PTPRM: variants seen among roughly 807,000 people sequenced by gnomAD.
PTPRM encodes the protein receptor-type tyrosine-protein phosphatase mu.
In PTPRM, 47 loss-of-function variants were observed where a neutral mutation model predicts 186.7. The ratio of observed to expected loss-of-function variants is 0.25; its 90% CI spans 0.20 to 0.32. The LOEUF is 0.32. PTPRM is among the 10% of genes least tolerant of loss of function. PTPRM has a pLI of 1.00. For synonymous variants in PTPRM, 668 were observed against 674.9 expected (o/e 0.99, Z 0.16); for missense variants, 1,494 against 1,865.0 (o/e 0.80, Z 3.66).
At chr18:7,752,609 T>G (rs114478004) in intron 1 of PTPRM, among the ~76,000 whole-genome samples, 2,871 of 151,942 alleles carry the variant, frequency 0.019, 86 homozygotes, top group African/African-American at 0.066. Flanking sequence ...ATTTTTTTAT[T>G]TTTTGTATTT....
intron 1 of PTPRM, among the ~76,000 whole-genome samples, chr18:7,600,568 A>G (rs948685241): frequency 1.3e-5 from 2 of 152,192 alleles, no homozygotes; most frequent in Admixed American, 1.3e-4. Context: ...CAGTAACTCA[A>G]AAGTCCATGT....
At chr18:8,075,472 TTGTAAATAAG>T (rs1010615370) in intron 8 of PTPRM, among the ~76,000 whole-genome samples, 6 of 152,078 alleles carry the variant, frequency 3.9e-5, no homozygotes, top group African/African-American at 1.2e-4. Flanking sequence ...GATAGCTATT[TTGTAAATAAG>T]ATAGGCATAC....
chr18:7,868,737 T>C (rs1188393808), intron 2 of PTPRM, among the ~76,000 whole-genome samples: 1 of 152,230 alleles, frequency 6.6e-6, no homozygotes, highest in African/African-American at 2.4e-5. Context: ...TGCTGGGAGA[T>C]CCACTGCTCT....
chr18:8,384,444 C>A (rs2095758499), intron 29 of PTPRM, 117 bp from the exon 30 acceptor site: 1 of 1,177,988 alleles, frequency 8.5e-7, no homozygotes. Flanking sequence ...GGAGACAGAG[C>A]AAGACCCTAT....
Position 7,603,426 on chromosome 18 carries a change from G to A in PTPRM, c.73+35535G>A, listed in dbSNP as rs528452860. 2.0e-5 allele frequency among the ~76,000 whole-genome samples: 3 copies of A among 152,292 alleles called. No individual in the cohort carries two copies. In the South Asian group the frequency reaches 6.2e-4, roughly 32 times the overall value. On this transcript the variant is annotated intron_variant, in intron 1 of 32. Transcript: ENST00000580170. ...TGGATGTTAAGCTAACGTTTGCAGG[G>A]CCCCTGCCTGTTAACAGCTACCTGG...
chr18:8,180,448 T>C (rs748224695), intron 14 of PTPRM, among the ~76,000 whole-genome samples: 12 of 152,062 alleles, frequency 7.9e-5, no homozygotes, highest in Admixed American at 4.6e-4. Flanking sequence ...CAAAAGGAAA[T>C]AGAGTACACT....
intron 1 of PTPRM, among the ~76,000 whole-genome samples, chr18:7,638,072 A>G (rs944468288): frequency 1.3e-5 from 2 of 152,154 alleles, no homozygotes; most frequent in African/African-American, 4.8e-5. Flanking sequence ...GGTGAATGAA[A>G]AACCATTCAG....
chr18:7,715,822 A>G (rs549967544), intron 1 of PTPRM, among the ~76,000 whole-genome samples: 5 of 152,350 alleles, frequency 3.3e-5, no homozygotes, highest in Admixed American at 2.6e-4. Context: ...GACCTCTTCA[A>G]GGAGAACTAC....
intron 19 of PTPRM, among the ~76,000 whole-genome samples, chr18:8,283,907 T>A (rs2094929430): frequency 6.6e-6 from 1 of 152,156 alleles, no homozygotes; most frequent in Admixed American, 6.5e-5. Flanking sequence ...AGGTGTGAGC[T>A]ACCACACCTG....
At position 8,248,145 on chromosome 18, in the gene PTPRM, G is replaced by A. The variant is rs1199983001; in HGVS notation, c.2528-5G>A. ...CTGCATTGACCTGCTTACGGTGTAT[G>A]ACAGACCCATTTGTGCCAACTGCAA... On this transcript the variant is annotated splice_polypyrimidine_tract_variant and splice_region_variant and intron_variant, in intron 16 of 32. Transcript: ENST00000580170. The A allele has an allele frequency of 6.5e-7, 1 of 1,531,006 alleles. No individual in the cohort carries two copies. The highest frequency in any genetic ancestry group is 9.1e-7 in the Non-Finnish European group (1 of 1,104,526). The allele number at this position is 1,531,006 out of a possible 1,614,324, so 94.8% of individuals were successfully genotyped here.
chr18:8,156,008 A>G (rs2093113615), intron 14 of PTPRM, among the ~76,000 whole-genome samples: 1 of 152,200 alleles, frequency 6.6e-6, no homozygotes, highest in African/African-American at 2.4e-5. Flanking sequence ...CCTAGCACAT[A>G]CTTTGGCATG....
intron 1 of PTPRM, among the ~76,000 whole-genome samples, chr18:7,687,416 A>G (rs630720): frequency 2.6e-5 from 4 of 152,030 alleles, no homozygotes; most frequent in African/African-American, 7.3e-5. Flanking sequence ...GACTTTACCT[A>G]TGGTGGGATT....
At chr18:8,066,140 GA>G (rs747339391) in intron 7 of PTPRM, among the ~76,000 whole-genome samples, 32 of 151,820 alleles carry the variant, frequency 2.1e-4, no homozygotes, top group South Asian at 1.7e-3. Context: ...CAAAATGGCA[GA>G]AAAAAAAGTA....
intron 9 of PTPRM, among the ~76,000 whole-genome samples, chr18:8,084,923 G>T: frequency 6.6e-6 from 1 of 152,076 alleles, no homozygotes; most frequent in East Asian, 1.9e-4. Flanking sequence ...TATCTGTTAT[G>T]TAGCTAGTAT....
chr18:7,764,213 T>C (rs1197115136), intron 1 of PTPRM, among the ~76,000 whole-genome samples: 1 of 152,184 alleles, frequency 6.6e-6, no homozygotes, highest in Non-Finnish European at 1.5e-5. Context: ...CTTCACAACC[T>C]TTTTGAGGAA....
intron 9 of PTPRM, 42 bp from the exon 10 acceptor site, chr18:8,085,629 C>T (rs768180861): frequency 6.7e-7 from 1 of 1,486,848 alleles, no homozygotes; most frequent in Non-Finnish European, 9.4e-7. Context: ...AATCTGAGTC[C>T]ATCTGCTCCA....
At chr18:7,575,537 C>G (rs188436837) in intron 1 of PTPRM, among the ~76,000 whole-genome samples, 1 of 152,316 alleles carries the variant, frequency 6.6e-6, no homozygotes, top group African/African-American at 2.4e-5. Context: ...TTAGATTCAC[C>G]TGCTACAGTC....
At chr18:7,734,086 C>G (rs2040718182) in intron 1 of PTPRM, among the ~76,000 whole-genome samples, 1 of 152,182 alleles carries the variant, frequency 6.6e-6, no homozygotes, top group Admixed American at 6.5e-5. Flanking sequence ...AAACCTACAT[C>G]CAAAAGTAAA....
chr18:8,406,776 C>G lies in PTPRM; in HGVS notation c.*614C>G, dbSNP rs1323070044. On this transcript the variant is annotated 3_prime_UTR_variant, in exon 33 of 33. Transcript: ENST00000580170. ...AAACTCAACGATCAGATTCACGGAC[C>G]CAGAGCTTTTCCATGTGTTTATATT... The G allele has an allele frequency of 6.6e-6, 1 of 152,124 alleles. No individual in the cohort carries two copies. Among genetic ancestry groups the G allele is most frequent in the African/African-American group, 2.4e-5 (1 of 41,400 alleles). The allele number at this position is 152,124 out of a possible 1,614,324, so 9.4% of individuals were successfully genotyped here. A position where few individuals can be genotyped will look rare whatever the true frequency, so the allele number is the denominator to read the frequency against.
Sources: gnomAD v4.1 joint callset for allele counts (sites outside exome capture counted in the v4.1 genomes callset) on GRCh38, gnomAD v4.1.1 for gene constraint, MANE v1.5 for transcripts, NCBI Gene and HGNC (gene_info 2026-07-23, HGNC 2026-07-21) for gene names.